Variants in GTF2H2 observed in about 807,000 individuals in gnomAD.
GTF2H2 encodes the protein TFIIH basal transcription factor complex p44 subunit.
GTF2H2 carries 2 observed loss-of-function variants against 16.5 expected under a neutral mutation model. The ratio of observed to expected loss-of-function variants is 0.12; its 90% CI spans 0.05 to 0.38. GTF2H2 has a LOEUF of 0.38. Among genes scored for constraint, GTF2H2 ranks in the 10% least tolerant of loss-of-function variants. The pLI, the probability that GTF2H2 is intolerant of heterozygous loss-of-function variation, is 0.99. For synonymous variants in GTF2H2, 8 were observed against 44.1 expected (o/e 0.18, Z 3.24); for missense variants, 20 against 137.0 (o/e 0.15, Z 4.26).
At chr5:71,037,801 A>G (rs371674534) in intron 14 of GTF2H2, among the ~76,000 whole-genome samples, 21,464 of 65,508 alleles carry the variant, frequency 0.33, 8,485 homozygotes, top group African/African-American at 0.64. Context: ...GCGAAACCCC[A>G]TCTCTACTAA....
At chr5:71,052,954 G>C (rs1305504186) in intron 8 of GTF2H2, among the ~76,000 whole-genome samples, 7 of 100,018 alleles carry the variant, frequency 7.0e-5, no homozygotes, top group Admixed American at 4.6e-4. Flanking sequence ...TTTTTGTAGA[G>C]GTGGAGGTCT....
intron 8 of GTF2H2, among the ~76,000 whole-genome samples, chr5:71,054,203 C>T (rs1752998156): frequency 6.9e-6 from 1 of 145,190 alleles, no homozygotes; most frequent in African/African-American, 2.7e-5. Context: ...TTGTGGTGAC[C>T]AGTTTTCACC....
At chr5:71,057,376 T>C (rs1753331059) in intron 7 of GTF2H2, among the ~76,000 whole-genome samples, 2 of 142,822 alleles carry the variant, frequency 1.4e-5, no homozygotes, top group Non-Finnish European at 3.1e-5. Context: ...AAATGTTATG[T>C]AATTGGGTGG....
At chr5:71,054,129 T>C (rs1332312619) in intron 8 of GTF2H2, among the ~76,000 whole-genome samples, 2 of 143,880 alleles carry the variant, frequency 1.4e-5, no homozygotes, top group Non-Finnish European at 3.0e-5. Context: ...TTCAGAGTCA[T>C]AATAATCATG....
Position 71,037,699 on chromosome 5 carries a change from C to T in GTF2H2, c.1029-153G>A, listed in dbSNP as rs1751815048. Among the ~76,000 whole-genome samples the T allele has an allele frequency of 3.4e-5, 2 of 58,930 alleles. 1 individual carries two copies. The highest frequency in any genetic ancestry group is 6.5e-5 in the Non-Finnish European group (2 of 30,998). The allele number at this position is 58,930 out of a possible 152,430, so 38.7% of individuals were successfully genotyped here. ...GTTAAGAATACCAATAGGCCAGGCA[C>T]AGTGGCTCACGCCTATAATCCCAGC... On this transcript the variant is annotated intron_variant, in intron 14 of 15. Coordinates refer to ENST00000274400, the Ensembl canonical transcript of GTF2H2.
In GTF2H2 at chr5:71,054,836, T is replaced by TTA. The variant is rs1057123284; in HGVS notation, c.470+514_470+515dup. Among the ~76,000 whole-genome samples, 13 of 134,572 alleles carry TTA rather than the reference T, an allele frequency of 9.7e-5. 2 individuals carry two copies. The highest frequency in any genetic ancestry group is 3.4e-4 in the African/African-American group (12 of 34,936). The allele number at this position is 134,572 out of a possible 152,430, so 88.3% of individuals were successfully genotyped here. ...GCTTTATATATATATGTATAATAAA[T>TTA]TATATATATAATATGTATATAAAGC... On this transcript the variant is annotated intron_variant, in intron 8 of 15. Transcript: ENST00000274400.
At chr5:71,057,034 T>G (rs1228934771) in intron 7 of GTF2H2, among the ~76,000 whole-genome samples, 6 of 86,262 alleles carry the variant, frequency 7.0e-5, no homozygotes, top group African/African-American at 2.9e-4. Context: ...ATTTTCCATT[T>G]CAGCACTGTC....
intron 3 of GTF2H2, 56 bp from the exon 4 acceptor site, chr5:71,061,364 A>G (rs552347709): frequency 0.021 from 29,182 of 1,402,528 alleles, 1,401 homozygotes; most frequent in Middle Eastern, 0.026. Flanking sequence ...CCCCCCCACA[A>G]AAAAAATACA....
At position 71,054,442 on chromosome 5, in the gene GTF2H2, T is replaced by C. The variant is rs749267244; in HGVS notation, c.470+910A>G. On this transcript the variant is annotated intron_variant, in intron 8 of 15. Coordinates refer to ENST00000274400, the Ensembl canonical transcript of GTF2H2. ...GGGCGGACTATCCAGAGATAAAATA[T>C]ATAAGCTTTAGGGAGGCTGAGGTGG... is the stretch of plus-strand genomic sequence containing the variant. Among the ~76,000 whole-genome samples, 60 of 145,666 alleles carry C rather than the reference T, an allele frequency of 4.1e-4. 8 individuals are homozygous for C. The highest frequency in any genetic ancestry group is 6.9e-4 in the Non-Finnish European group (46 of 66,458).
At position 71,051,092 on chromosome 5, in the gene GTF2H2, C is replaced by G. The variant is rs1752674175; in HGVS notation, c.471-1934G>C. On this transcript the variant is annotated intron_variant, in intron 8 of 15. Transcript: ENST00000274400. ...GAACTCCTGACCTCAAGTGATCCAC[C>G]CGCCTCGGCCTCCCAATGTGCTGGG... Among the ~76,000 whole-genome samples, 4 of 143,256 alleles carry G rather than the reference C, an allele frequency of 2.8e-5. 1 individual carries two copies. In the Admixed American group the frequency reaches 2.8e-4, roughly 10 times the overall value. 94.0% of individuals were successfully genotyped at this position (143,256 alleles called of 152,430 possible). A position where few individuals can be genotyped will look rare whatever the true frequency, so the allele number is the denominator to read the frequency against.
intron 14 of GTF2H2, among the ~76,000 whole-genome samples, chr5:71,039,553 T>A (rs1404885124): frequency 6.9e-6 from 1 of 145,194 alleles, no homozygotes; most frequent in Non-Finnish European, 1.5e-5. Flanking sequence ...TCTATCCTAC[T>A]TTTTTTCTTT....
intron 8 of GTF2H2, among the ~76,000 whole-genome samples, chr5:71,050,997 C>T (rs1752664955): frequency 7.3e-6 from 1 of 136,358 alleles, no homozygotes. Context: ...CAGGCATGCA[C>T]CACCATGCCC....
Position 71,054,818 on chromosome 5 carries a change from A to G in GTF2H2, c.470+534T>C, listed in dbSNP as rs571591141. ...AGTTTAACATATATATAAGCTTTATATATATATGTATAATAAATTATATAT... is the reference window on the plus strand; with the variant it reads ...AGTTTAACATATATATAAGCTTTATGTATATATGTATAATAAATTATATAT... On this transcript the variant is annotated intron_variant, in intron 8 of 15. Coordinates refer to ENST00000274400, the Ensembl canonical transcript of GTF2H2. Among the ~76,000 whole-genome samples the G allele has an allele frequency of 3.8e-4, 52 of 137,480 alleles. 5 individuals carry two copies. The highest frequency in any genetic ancestry group is 8.2e-4 in the Admixed American group (11 of 13,460). 90.2% of individuals were successfully genotyped at this position (137,480 alleles called of 152,430 possible). A position where few individuals can be genotyped will look rare whatever the true frequency, so the allele number is the denominator to read the frequency against.
At chr5:71,054,814 TTATATATATATGTATAATAAATTA>T (rs1753072670) in intron 8 of GTF2H2, among the ~76,000 whole-genome samples, 1 of 134,254 alleles carries the variant, frequency 7.4e-6, no homozygotes, top group Non-Finnish European at 1.6e-5. Context: ...TATATAAGCT[TTATATATATATGTATAATAAATTA>T]TATATATAAT....
intron 8 of GTF2H2, among the ~76,000 whole-genome samples, chr5:71,054,650 G>A (rs1307352077): frequency 7.2e-5 from 10 of 139,584 alleles, no homozygotes; most frequent in African/African-American, 1.9e-4. Flanking sequence ...CTGAGATCAC[G>A]CCACTGCATG....
At chr5:71,050,327 A>C (rs1281937873) in intron 8 of GTF2H2, 1 of 116,290 alleles carries the variant, frequency 8.6e-6, no homozygotes, top group Non-Finnish European at 1.4e-5. Flanking sequence ...ATACAAAAAA[A>C]TGAGCTGGAC....
intron 7 of GTF2H2, chr5:71,058,012 A>AG (rs1301969955): frequency 8.8e-6 from 1 of 113,414 alleles, no homozygotes; most frequent in Non-Finnish European, 1.9e-5. Context: ...CAGGAGTTCG[A>AG]GATCAGCCTG....
In GTF2H2 at chr5:71,055,196, C is replaced by T. The variant is rs1753116505; in HGVS notation, c.470+156G>A. On this transcript the variant is annotated intron_variant, in intron 8 of 15. Transcript: ENST00000274400. The stretch of plus-strand genomic sequence containing the variant: ...TAAAATGTAAAATAAAGATTACTAA[C>T]CAACACCACACTAAACATCATAAAT... 1.4e-5 allele frequency: 9 copies of T among 655,494 alleles called. No homozygotes were observed. The South Asian group carries it at 2.9e-4, about 21-fold the overall frequency. The allele number at this position is 655,494 out of a possible 1,614,324, so 40.6% of individuals were successfully genotyped here.
chr5:71,058,446 G>A lies in GTF2H2; in HGVS notation c.364+1244C>T, dbSNP rs1407125050. 5 of 139,448 alleles carry A rather than the reference G, an allele frequency of 3.6e-5. 1 individual carries two copies. The highest frequency in any genetic ancestry group is 1.4e-4 in the African/African-American group (5 of 36,578). 8.6% of individuals were successfully genotyped at this position (139,448 alleles called of 1,614,324 possible). ...CACTTTGTTCATGGATGGGCAGATC[G>A]TAACTCAGGCCAATCAGAGTTCTCC... On this transcript the variant is annotated intron_variant, in intron 7 of 15. Coordinates refer to ENST00000274400, the Ensembl canonical transcript of GTF2H2.
Sources: gnomAD v4.1 joint callset for allele counts (sites outside exome capture counted in the v4.1 genomes callset) on GRCh38, gnomAD v4.1.1 for gene constraint, MANE v1.5 for transcripts, NCBI Gene and HGNC (gene_info 2026-07-23, HGNC 2026-07-21) for gene names.